Variants in ST6GAL2 observed in about 807,000 individuals in gnomAD.
The protein encoded by ST6GAL2 is ST6 beta-galactoside alpha-2,6-sialyltransferase 2.
In ST6GAL2, 24 loss-of-function variants were observed where a neutral mutation model predicts 37.5. The ratio of observed to expected loss-of-function variants is 0.64; its 90% CI spans 0.46 to 0.90. The LOEUF (loss-of-function observed/expected upper bound fraction) is 0.90, where lower values mean the gene tolerates loss of function less well. Among genes scored for constraint, ST6GAL2 ranks in the 40% least tolerant of loss-of-function variants. The pLI is 0.00. For missense variants in ST6GAL2, 715 were observed against 712.7 expected (o/e 1.00, Z -0.04); for synonymous variants, 306 against 295.1 (o/e 1.04, Z -0.38).
At chr2:106,857,654 G>A (rs1055429541) in intron 1 of ST6GAL2, among the ~76,000 whole-genome samples, 2 of 152,056 alleles carry the variant, frequency 1.3e-5, no homozygotes, top group African/African-American at 2.4e-5. Context: ...ATACACACAT[G>A]TTCTGGAGTC....
rs564202398 is a variant in ST6GAL2 at position 106,806,490 on chromosome 2, C to A, written c.*188G>T. 3.3e-5 allele frequency: 22 copies of A among 659,160 alleles called. No individual in the cohort carries two copies. In the East Asian group the frequency reaches 4.6e-4, roughly 14 times the overall value. The allele number at this position is 659,160 out of a possible 1,614,324, so 40.8% of individuals were successfully genotyped here. On this transcript the variant is annotated 3_prime_UTR_variant, in exon 6 of 6. Transcript: ENST00000409382. ...CTTGAGCCTTATTTTTTTAAAAAAA[C>A]CATTTCTATGTTCAAAGCAGTAATA...
intron 2 of ST6GAL2, among the ~76,000 whole-genome samples, chr2:106,842,670 C>T (rs1676940269): frequency 6.6e-6 from 1 of 152,192 alleles, no homozygotes; most frequent in Admixed American, 6.5e-5. Flanking sequence ...CATATCCATG[C>T]AGACTGCGGT....
intron 1 of ST6GAL2, among the ~76,000 whole-genome samples, chr2:106,881,462 T>C (rs183244455): frequency 6.6e-6 from 1 of 152,242 alleles, no homozygotes; most frequent in Admixed American, 6.5e-5. Context: ...TGTACTTTTT[T>C]CTACCCATTT....
intron 2 of ST6GAL2, among the ~76,000 whole-genome samples, chr2:106,835,283 G>C (rs1393866648): frequency 2.0e-5 from 3 of 152,144 alleles, no homozygotes; most frequent in Non-Finnish European, 2.9e-5. Flanking sequence ...TGCCCAAGGG[G>C]AGCTGCATTT....
intron 5 of ST6GAL2, among the ~76,000 whole-genome samples, chr2:106,812,506 C>T (rs1332609596): frequency 6.6e-6 from 1 of 152,152 alleles, no homozygotes; most frequent in Non-Finnish European, 1.5e-5. Context: ...GCATAAACCA[C>T]ATTTCTTGCA....
At position 106,843,425 on chromosome 2, in the gene ST6GAL2, C is replaced by G; in HGVS notation, c.553G>C (p.Val185Leu). 3 of 1,614,144 alleles carry G rather than the reference C, an allele frequency of 1.9e-6. No homozygotes were observed. The highest frequency in any genetic ancestry group is 2.5e-6 in the Non-Finnish European group (3 of 1,180,030). Reference sequence around the variant, plus strand: ...TCGCCGTCGTCGCCCTCCTCCAACACGTGGCTCCTTCTCTGCCTCCGGTGC... The same window carrying G: ...TCGCCGTCGTCGCCCTCCTCCAACAGGTGGCTCCTTCTCTGCCTCCGGTGC... The part of the protein sequence containing the change: ...KRHRRQRRSH[V>L]LEEGDDGDRL... Residue 185 changes from valine (V) to leucine (L), a missense_variant, in exon 2 of 6, where the codon GTG becomes CTG. Physicochemically the swap from Val to Leu is conservative, Grantham distance 32. Around this residue, in one of 3 missense-constraint regions of ST6GAL2, gnomAD observed 512 missense variants for 488.8 expected, o/e 1.05. Coordinates refer to ENST00000409382, the MANE Select transcript of ST6GAL2 (RefSeq NM_001142351.2).
chr2:106,836,559 T>C (rs1267753964), intron 2 of ST6GAL2, among the ~76,000 whole-genome samples: 2 of 151,906 alleles, frequency 1.3e-5, no homozygotes, highest in East Asian at 3.9e-4. Context: ...CAGCTAGGCA[T>C]AGTTATACAT....
intron 1 of ST6GAL2, among the ~76,000 whole-genome samples, chr2:106,858,946 A>T (rs955537476): frequency 6.6e-6 from 1 of 152,160 alleles, no homozygotes; most frequent in Admixed American, 6.5e-5. Flanking sequence ...CTGCACAACT[A>T]AAGAAGAAGG....
intron 1 of ST6GAL2, among the ~76,000 whole-genome samples, chr2:106,858,838 C>T (rs562208328): frequency 6.6e-6 from 1 of 152,230 alleles, no homozygotes; most frequent in South Asian, 2.1e-4. Context: ...CCCCACCCCA[C>T]TGGAAATGGA....
At chr2:106,847,910 C>T (rs1206868100) in intron 1 of ST6GAL2, among the ~76,000 whole-genome samples, 1 of 152,078 alleles carries the variant, frequency 6.6e-6, no homozygotes, top group Admixed American at 6.6e-5. Context: ...TATTAGGGTT[C>T]CCATTAGATA....
At chr2:106,839,021 G>A (rs190527033) in intron 2 of ST6GAL2, among the ~76,000 whole-genome samples, 14 of 152,002 alleles carry the variant, frequency 9.2e-5, no homozygotes, top group East Asian at 1.9e-4. Context: ...GTGCAACAGC[G>A]GGAGACTCCA....
At chr2:106,830,700 C>A (rs1160211441) in intron 4 of ST6GAL2, among the ~76,000 whole-genome samples, 1 of 152,146 alleles carries the variant, frequency 6.6e-6, no homozygotes. Context: ...AGTTTGTTGA[C>A]CCCTGGGAAC....
rs777630203 is a variant in ST6GAL2 at position 106,843,131 on chromosome 2, C to G, written c.847G>C (p.Val283Leu). 6.4e-7 allele frequency: 1 copy of G among 1,566,812 alleles called. No individual in the cohort carries two copies. Among genetic ancestry groups the G allele is most frequent in the Admixed American group, 1.9e-5 (1 of 51,858 alleles). ...CGGGGGTGCAGCTGGCTCAGGGGCA[C>G]GGCGGGCACCAGGCGCCGCCAGCCC... The part of the protein sequence containing the change: ...ALGWRRLVPA[V>L]PLSQLHPRGL... The change falls in exon 2 of 6, where the codon GTG becomes CTG. Residue 283 changes from valine (V) to leucine (L), a missense_variant. Physicochemically the swap from Val to Leu is conservative, Grantham distance 32 (BLOSUM62 1). Around this residue, in one of 3 missense-constraint regions of ST6GAL2, gnomAD observed 512 missense variants for 488.8 expected, o/e 1.05. Transcript: ENST00000409382.
At chr2:106,865,043 G>T (rs1368750380) in intron 1 of ST6GAL2, among the ~76,000 whole-genome samples, 1 of 152,084 alleles carries the variant, frequency 6.6e-6, no homozygotes, top group Non-Finnish European at 1.5e-5. Context: ...AACGGAACTG[G>T]GATGCGATGT....
intron 5 of ST6GAL2, 100 bp from the exon 6 acceptor site, chr2:106,807,049 A>C: frequency 1.0e-6 from 1 of 969,268 alleles, no homozygotes; most frequent in Non-Finnish European, 1.5e-6. Flanking sequence ...TGACTGTGGC[A>C]AGAGACACTT....
At chr2:106,808,126 C>T (rs1483956536) in intron 5 of ST6GAL2, among the ~76,000 whole-genome samples, 2 of 152,156 alleles carry the variant, frequency 1.3e-5, no homozygotes, top group East Asian at 3.9e-4. Context: ...CCCTAATTAA[C>T]CAACCATGTG....
intron 5 of ST6GAL2, among the ~76,000 whole-genome samples, chr2:106,817,040 C>G (rs1675828906): frequency 6.6e-6 from 1 of 152,214 alleles, no homozygotes; most frequent in South Asian, 2.1e-4. Flanking sequence ...TGGCCAAAGG[C>G]AAATCATCCA....
chr2:106,869,185 A>G (rs985109540), intron 1 of ST6GAL2, among the ~76,000 whole-genome samples: 1 of 152,054 alleles, frequency 6.6e-6, no homozygotes, highest in Non-Finnish European at 1.5e-5. Flanking sequence ...ACTCCAGGAG[A>G]GGAAGGCCTG....
intron 1 of ST6GAL2, among the ~76,000 whole-genome samples, chr2:106,849,451 A>G (rs11124136): frequency 0.14 from 20,952 of 152,184 alleles, 2,162 homozygotes; most frequent in East Asian, 0.46. Context: ...TGACTCTGGT[A>G]TAGCATCACG....
Sources: gnomAD v4.1 joint callset for allele counts (sites outside exome capture counted in the v4.1 genomes callset) on GRCh38, gnomAD v4.1.1 for gene constraint, gnomAD v4.1.1 regional missense constraint, MANE v1.5 for transcripts, NCBI Gene and HGNC (gene_info 2026-07-23, HGNC 2026-07-21) for gene names.